CSGALNACT1: variants seen among roughly 807,000 people sequenced by gnomAD.
CSGALNACT1 encodes beta4GalNAcT-1.
Under a neutral mutation model 51.0 loss-of-function variants are expected in CSGALNACT1, and 52 were observed. The observed-to-expected ratio is 1.02, with a 90% confidence interval of 0.82 to 1.29. The LOEUF is 1.29. CSGALNACT1 is among the 50% of genes most tolerant of loss of function. The pLI is 0.00. For synonymous variants in CSGALNACT1, 341 were observed against 254.4 expected (o/e 1.34, Z -3.24); for missense variants, 935 against 679.2 (o/e 1.38, Z -4.19).
intron 8 of CSGALNACT1, among the ~76,000 whole-genome samples, chr8:19,410,999 A>C (rs2055582487): frequency 1.3e-5 from 2 of 152,204 alleles, no homozygotes; most frequent in South Asian, 4.1e-4. Flanking sequence ...GAAGCCCTGC[A>C]AGGGTTCCCT....
intron 3 of CSGALNACT1, among the ~76,000 whole-genome samples, chr8:19,522,760 G>T (rs1321616559): frequency 6.6e-6 from 1 of 152,112 alleles, no homozygotes; most frequent in Non-Finnish European, 1.5e-5. Flanking sequence ...TTTTTAAATT[G>T]CAATTTTCCA....
intron 3 of CSGALNACT1, among the ~76,000 whole-genome samples, chr8:19,516,812 G>A (rs553220261): frequency 1.3e-5 from 2 of 152,322 alleles, no homozygotes; most frequent in East Asian, 1.9e-4. Flanking sequence ...CCCAGGAGGG[G>A]GTGAGATGCT....
chr8:19,667,044 A>AAGGAAGGAAGGAAGG (rs1564386999), intron 1 of CSGALNACT1, among the ~76,000 whole-genome samples: 44 of 56,984 alleles, frequency 7.7e-4, no homozygotes, highest in Admixed American at 2.7e-3. Context: ...AGGAAGGAAG[A>AAGGAAGGAAGGAAGG]AAGAAAGAAA....
intron 1 of CSGALNACT1, among the ~76,000 whole-genome samples, chr8:19,705,284 T>G (rs1448589585): frequency 3.9e-5 from 6 of 152,206 alleles, no homozygotes; most frequent in Non-Finnish European, 1.5e-5. Flanking sequence ...TAGCTATTTA[T>G]GCAAAGACTT....
upstream of CSGALNACT1, among the ~76,000 whole-genome samples, chr8:19,685,828 G>A (rs557085919): frequency 2.0e-5 from 3 of 152,286 alleles, no homozygotes; most frequent in South Asian, 2.1e-4. Flanking sequence ...AGTGGGAAGA[G>A]GTAGTTTTGG....
At chr8:19,529,759 C>G (rs1300745745) in intron 3 of CSGALNACT1, among the ~76,000 whole-genome samples, 3 of 152,138 alleles carry the variant, frequency 2.0e-5, no homozygotes, top group Non-Finnish European at 2.9e-5. Flanking sequence ...GCACAGCTCC[C>G]TTATGCAAAA....
intron 3 of CSGALNACT1, among the ~76,000 whole-genome samples, chr8:19,585,480 A>G (rs2046420746): frequency 6.6e-6 from 1 of 152,232 alleles, no homozygotes; most frequent in Non-Finnish European, 1.5e-5. Context: ...GACAATCTCC[A>G]CAGCATAGGT....
At chr8:19,701,112 G>A (rs1427569116) in intron 1 of CSGALNACT1, among the ~76,000 whole-genome samples, 1 of 146,810 alleles carries the variant, frequency 6.8e-6, no homozygotes, top group African/African-American at 2.5e-5. Flanking sequence ...TTGAGTTCAT[G>A]AAGGAAGGAG....
At chr8:19,621,457 C>G (rs528298966) in intron 1 of CSGALNACT1, among the ~76,000 whole-genome samples, 30 of 152,094 alleles carry the variant, frequency 2.0e-4, no homozygotes, top group African/African-American at 7.0e-4. Context: ...AACATGAATA[C>G]TTGTTGATAT....
At chr8:19,454,811 C>A (rs983283802) in intron 5 of CSGALNACT1, among the ~76,000 whole-genome samples, 5 of 151,958 alleles carry the variant, frequency 3.3e-5, no homozygotes, top group Non-Finnish European at 7.4e-5. Flanking sequence ...ATATTTCCAA[C>A]CACTTTTTGT....
chr8:19,627,066 G>A (rs1440851750), intron 1 of CSGALNACT1, among the ~76,000 whole-genome samples: 1 of 152,164 alleles, frequency 6.6e-6, no homozygotes, highest in East Asian at 1.9e-4. Context: ...TTATCCTCAA[G>A]AAATGAAAAC....
intron 1 of CSGALNACT1, among the ~76,000 whole-genome samples, chr8:19,711,439 C>T (rs150386281): frequency 7.8e-4 from 119 of 152,230 alleles, no homozygotes; most frequent in African/African-American, 2.0e-3. Context: ...GGAGACCAAA[C>T]CCTGTGTGCC....
chr8:19,756,606 A>G (rs1219690859), intron 1 of CSGALNACT1, among the ~76,000 whole-genome samples: 2 of 151,396 alleles, frequency 1.3e-5, no homozygotes, highest in Non-Finnish European at 2.9e-5. Context: ...ATGCCCTCGA[A>G]CAGCTTCTGC....
intron 1 of CSGALNACT1, among the ~76,000 whole-genome samples, chr8:19,663,535 T>C (rs968768207): frequency 6.6e-6 from 1 of 152,204 alleles, no homozygotes; most frequent in Non-Finnish European, 1.5e-5. Flanking sequence ...GTAGCATTCA[T>C]GCTTCCACAG....
At chr8:19,549,598 C>A (rs951828565) in intron 3 of CSGALNACT1, among the ~76,000 whole-genome samples, 1 of 151,420 alleles carries the variant, frequency 6.6e-6, no homozygotes, top group Non-Finnish European at 1.5e-5. Context: ...AAAGGTCACC[C>A]TGAAACTTCC....
intron 6 of CSGALNACT1, among the ~76,000 whole-genome samples, chr8:19,428,387 G>C (rs2059111995): frequency 1.3e-5 from 2 of 152,156 alleles, no homozygotes; most frequent in African/African-American, 4.8e-5. Flanking sequence ...CGGCAGGTGA[G>C]GGAGAATGAG....
At chr8:19,587,368 T>A (rs2046879159) in intron 3 of CSGALNACT1, among the ~76,000 whole-genome samples, 1 of 152,214 alleles carries the variant, frequency 6.6e-6, no homozygotes, top group Non-Finnish European at 1.5e-5. Flanking sequence ...ATGCAGTGCT[T>A]CTCAAAGGCT....
rs368871916 is a variant in CSGALNACT1 at position 19,525,911 on chromosome 8, T to C, written c.-296-19781A>G. Reference sequence around the variant, plus strand: ...GCGTCAGTGCTGCTCCACTGCTCTGTCCTATATAACCGTAGTGCAATATCC... The same window carrying C: ...GCGTCAGTGCTGCTCCACTGCTCTGCCCTATATAACCGTAGTGCAATATCC... On this transcript the variant is annotated intron_variant, in intron 3 of 9. Transcript: ENST00000454498. 2.1e-4 allele frequency among the ~76,000 whole-genome samples: 32 copies of C among 152,250 alleles called. No homozygotes were observed. The East Asian group carries it at 4.1e-3, about 19-fold the overall frequency.
At chr8:19,729,031 T>C (rs533909809) in intron 1 of CSGALNACT1, among the ~76,000 whole-genome samples, 1 of 152,234 alleles carries the variant, frequency 6.6e-6, no homozygotes, top group East Asian at 1.9e-4. Context: ...AAGGAAATTA[T>C]CACAAATTTC....
Sources: allele counts gnomAD v4.1 joint callset (sites outside exome capture counted in the v4.1 genomes callset), GRCh38; gene constraint gnomAD v4.1.1; transcripts MANE v1.5; gene names NCBI Gene and HGNC (gene_info 2026-07-23, HGNC 2026-07-21).